The following PARD3B variants were observed in gnomAD, a reference collection of about 807,000 sequenced individuals.
PARD3B encodes partitioning defective 3 homolog B.
Under a neutral mutation model 130.2 loss-of-function variants are expected in PARD3B, and 103 were observed. The ratio of observed to expected loss-of-function variants is 0.79; its 90% CI spans 0.67 to 0.93. PARD3B has a LOEUF of 0.93. Among genes scored for constraint, PARD3B ranks in the 40% least tolerant of loss-of-function variants. The pLI, the probability that PARD3B is intolerant of heterozygous loss-of-function variation, is 0.00. For synonymous variants in PARD3B, 583 were observed against 553.2 expected, an observed-to-expected ratio of 1.05 and a Z score of -0.76; for missense variants, 1,609 against 1,499.2, an observed-to-expected ratio of 1.07 and a Z score of -1.21.
At chr2:205,248,102 T>C (rs2039648837) in intron 16 of PARD3B, among the ~76,000 whole-genome samples, 1 of 151,852 alleles carries the variant, frequency 6.6e-6, no homozygotes, top group Non-Finnish European at 1.5e-5. Context: ...CTAACTTTTA[T>C]TTTTATTTTT....
chr2:205,531,090 T>C (rs1283575596), intron 21 of PARD3B, among the ~76,000 whole-genome samples: 1 of 152,182 alleles, frequency 6.6e-6, no homozygotes, highest in Admixed American at 6.5e-5. Flanking sequence ...CAAGAAGATA[T>C]AATATTGTAA....
Position 205,450,949 on chromosome 2 carries a change from G to A in PARD3B, c.3044+10277G>A, listed in dbSNP as rs566548496. ...TACCATGTCACTTGATTGTCCATTT[G>A]GTTCTGAGTCAGGCTTAACAATCAT... On this transcript the variant is annotated intron_variant, in intron 20 of 22. Coordinates refer to ENST00000406610, the MANE Select transcript of PARD3B (RefSeq NM_001302769.2). Among the ~76,000 whole-genome samples the A allele has an allele frequency of 6.6e-5, 10 of 152,216 alleles. No individual in the cohort carries two copies. The South Asian group carries it at 2.1e-3, about 32-fold the overall frequency.
rs544294310 is a variant in PARD3B at position 204,862,089 on chromosome 2, A to G, written c.223-103063A>G. ...GTATGACTGTTTTTACCAATGACCA[A>G]TTTTCATAAGTGGAAAATTATGTTT... On this transcript the variant is annotated intron_variant, in intron 2 of 22. Transcript: ENST00000406610. Among the ~76,000 whole-genome samples the G allele has an allele frequency of 7.2e-5, 11 of 152,234 alleles. No individual in the cohort carries two copies. In the South Asian group the frequency reaches 8.3e-4, roughly 11 times the overall value.
At chr2:204,915,867 G>A (rs1289183258) in intron 2 of PARD3B, among the ~76,000 whole-genome samples, 2 of 152,128 alleles carry the variant, frequency 1.3e-5, no homozygotes, top group Admixed American at 6.5e-5. Flanking sequence ...TTGTCTCAAA[G>A]CATTGTAAAA....
rs549339713 is a variant in PARD3B, at chr2:205,591,794, A to C, written c.3261-23662A>C. ...GAAGGTCTGGTGGTTCAGGTCACTG[A>C]AGAAAAGGAAGCTGTCCGGTTTGGA... On this transcript the variant is annotated intron_variant, in intron 22 of 22. Coordinates refer to ENST00000406610, the MANE Select transcript of PARD3B (RefSeq NM_001302769.2). The surrounding 1 kb of genome is among the most constrained non-coding windows in gnomAD (Gnocchi z 4.2). 3.7e-4 allele frequency among the ~76,000 whole-genome samples: 56 copies of C among 152,340 alleles called. No individual in the cohort carries two copies. Among genetic ancestry groups the C allele is most frequent in the African/African-American group, 1.2e-3 (48 of 41,576 alleles).
rs1048034839 is a variant in PARD3B, at chr2:205,328,702, A to G, written c.2630+27001A>G. 2.0e-5 allele frequency among the ~76,000 whole-genome samples: 3 copies of G among 152,210 alleles called. No homozygotes were observed. In the South Asian group the frequency reaches 6.2e-4, roughly 32 times the overall value. On this transcript the variant is annotated intron_variant, in intron 18 of 22. Coordinates refer to ENST00000406610, the MANE Select transcript of PARD3B (RefSeq NM_001302769.2). ...TTTAAAAAATTAAAAATAATAATAC[A>G]TATGGGATCACCACAGAGCTAGTGT...
chr2:204,885,916 G>A (rs185780055), intron 2 of PARD3B, among the ~76,000 whole-genome samples: 2 of 152,234 alleles, frequency 1.3e-5, no homozygotes, highest in African/African-American at 4.8e-5. Flanking sequence ...CTGAGAAGGG[G>A]GAAGAGCTTC....
At chr2:204,691,170 G>A (rs1007495421) in intron 2 of PARD3B, among the ~76,000 whole-genome samples, 1 of 151,950 alleles carries the variant, frequency 6.6e-6, no homozygotes, top group Non-Finnish European at 1.5e-5. Context: ...TGAGTATTAA[G>A]CTTTTTAAAA....
At chr2:205,030,548 A>G (rs1697342746) in intron 3 of PARD3B, among the ~76,000 whole-genome samples, 1 of 152,118 alleles carries the variant, frequency 6.6e-6, no homozygotes, top group Admixed American at 6.6e-5. Context: ...TTCTGCCAAT[A>G]TGTTGACATA....
At position 205,176,640 on chromosome 2, in the gene PARD3B, T is replaced by C. The variant is rs1576077776; in HGVS notation, c.1924+63T>C. The C allele has an allele frequency of 2.4e-5, 31 of 1,314,462 alleles. 1 individual carries two copies. In the East Asian group the frequency reaches 8.1e-4, roughly 34 times the overall value. The allele number at this position is 1,314,462 out of a possible 1,614,324, so 81.4% of individuals were successfully genotyped here. ...GAGAAAACACAAAAGTGTCTTTTTA[T>C]CTAAAAAAAAAAAAAAAGAGTAAAG... is the stretch of plus-strand genomic sequence containing the variant. On this transcript the variant is annotated intron_variant, in intron 13 of 22. Coordinates refer to ENST00000406610, the MANE Select transcript of PARD3B (RefSeq NM_001302769.2). This position sits in a 1 kb window ranked among gnomAD's most constrained non-coding sequence, Gnocchi z 5.3.
intron 21 of PARD3B, among the ~76,000 whole-genome samples, chr2:205,520,952 A>G (rs903567634): frequency 3.3e-5 from 5 of 151,652 alleles, no homozygotes; most frequent in Non-Finnish European, 5.9e-5. Context: ...AATTAGCCTT[A>G]CAAATAAGCA....
chr2:204,818,396 C>T (rs932022674), intron 2 of PARD3B, among the ~76,000 whole-genome samples: 1 of 152,006 alleles, frequency 6.6e-6, no homozygotes. Context: ...TTAATGTAAA[C>T]TATTTGCTTC....
intron 1 of PARD3B, among the ~76,000 whole-genome samples, chr2:204,590,951 T>C (rs1271923960): frequency 1.3e-5 from 2 of 152,192 alleles, no homozygotes; most frequent in African/African-American, 4.8e-5. Context: ...ACTTTTTCTG[T>C]ATTGTAATTT....
rs2041162605 is a variant in PARD3B, at chr2:204,766,662, G to C, written c.222+80380G>C. 3.3e-5 allele frequency among the ~76,000 whole-genome samples: 5 copies of C among 151,942 alleles called. No homozygotes were observed. In the South Asian group the frequency reaches 1.0e-3, roughly 31 times the overall value. The stretch of plus-strand genomic sequence containing the variant: ...AATTCATATTCATCCTCATAACAAT[G>C]AAATGCAGACATCAGTGCTGTTATA... On this transcript the variant is annotated intron_variant, in intron 2 of 22. Coordinates refer to ENST00000406610, the MANE Select transcript of PARD3B (RefSeq NM_001302769.2).
intron 2 of PARD3B, among the ~76,000 whole-genome samples, chr2:204,962,251 G>A (rs941784155): frequency 6.6e-6 from 1 of 152,086 alleles, no homozygotes; most frequent in Admixed American, 6.5e-5. Flanking sequence ...GAAGGAGACT[G>A]GAGGGCAGAC....
At chr2:205,369,909 A>G (rs1044218021) in intron 18 of PARD3B, among the ~76,000 whole-genome samples, 3 of 152,222 alleles carry the variant, frequency 2.0e-5, no homozygotes, top group East Asian at 3.8e-4. Flanking sequence ...TAAACAAGCA[A>G]TAATTGAGCT....
In PARD3B at chr2:205,021,612, C is replaced by G. The variant is rs1347516646; in HGVS notation, c.395-25969C>G. 7.1e-6 allele frequency among the ~76,000 whole-genome samples: 1 copy of G among 140,320 alleles called. No homozygotes were observed. Among genetic ancestry groups the G allele is most frequent in the African/African-American group, 2.7e-5 (1 of 37,490 alleles). The allele number at this position is 140,320 out of a possible 152,430, so 92.1% of individuals were successfully genotyped here. On this transcript the variant is annotated intron_variant, in intron 3 of 22. Transcript: ENST00000406610. This position sits in a 1 kb window ranked among gnomAD's most constrained non-coding sequence, Gnocchi z 4.5. Reference sequence around the variant, plus strand: ...TCTTCTCTTCTCTCTCTCTCTCTCTCTCTCTCTCCCTCTCTCTTTCTCTCT... The same window carrying G: ...TCTTCTCTTCTCTCTCTCTCTCTCTGTCTCTCTCCCTCTCTCTTTCTCTCT...
At chr2:205,370,963 CA>C (rs1382253278) in intron 18 of PARD3B, among the ~76,000 whole-genome samples, 11 of 152,200 alleles carry the variant, frequency 7.2e-5, no homozygotes, top group South Asian at 6.2e-4. Context: ...CAAGTAACTC[CA>C]GGGGGGCAGC....
intron 18 of PARD3B, among the ~76,000 whole-genome samples, chr2:205,344,992 T>C (rs1349665499): frequency 6.6e-6 from 1 of 152,198 alleles, no homozygotes; most frequent in Non-Finnish European, 1.5e-5. Flanking sequence ...TTAATGTATT[T>C]TTCAGAACTA....
Sources: gnomAD v4.1 joint callset for allele counts (sites outside exome capture counted in the v4.1 genomes callset) on GRCh38, gnomAD v4.1.1 for gene constraint, Gnocchi (gnomAD v3.1) non-coding constraint, MANE v1.5 for transcripts, NCBI Gene and HGNC (gene_info 2026-07-23, HGNC 2026-07-21) for gene names.